FYB1: variants seen among roughly 807,000 people sequenced by gnomAD.
The protein encoded by FYB1 is FYN binding protein 1, also known as FYN-binding protein 1.
In FYB1, 41 loss-of-function variants were observed where a neutral mutation model predicts 94.1. That is an observed-to-expected ratio of 0.44 (90% CI 0.34 to 0.57). The LOEUF (loss-of-function observed/expected upper bound fraction) is 0.57, where lower values mean the gene tolerates loss of function less well. Among genes scored for constraint, FYB1 ranks in the 20% least tolerant of loss-of-function variants. The pLI, the probability that FYB1 is intolerant of heterozygous loss-of-function variation, is 0.02. For synonymous variants in FYB1, 367 were observed against 353.2 expected (o/e 1.04, Z -0.44); for missense variants, 1,050 against 976.8 (o/e 1.07, Z -1.00).
At chr5:39,219,758 T>C (rs1180710052), upstream of FYB1, among the ~76,000 whole-genome samples, 1 of 152,180 alleles carries the variant, frequency 6.6e-6, no homozygotes, top group Non-Finnish European at 1.5e-5. Context: ...CCACCAAGCA[T>C]GTGATATTTA....
chr5:39,227,172 A>G (rs940755446), intron 1 of FYB1, among the ~76,000 whole-genome samples: 3 of 152,330 alleles, frequency 2.0e-5, no homozygotes, highest in South Asian at 2.1e-4. Flanking sequence ...AAAGCATAAA[A>G]TGATGGAGAA....
intron 1 of FYB1, among the ~76,000 whole-genome samples, chr5:39,244,541 C>A (rs868322272): frequency 6.6e-6 from 1 of 152,108 alleles, no homozygotes; most frequent in African/African-American, 2.4e-5. Context: ...ATTTGGTTTG[C>A]CAGTATTTTA....
chr5:39,273,592 T>C (rs1752722992), intron 1 of FYB1, among the ~76,000 whole-genome samples: 1 of 152,240 alleles, frequency 6.6e-6, no homozygotes, highest in South Asian at 2.1e-4. Context: ...CTGCAATTAG[T>C]CCTGCTAATA....
chr5:39,179,833 C>A (rs1746058660), intron 2 of FYB1, among the ~76,000 whole-genome samples: 2 of 152,264 alleles, frequency 1.3e-5, no homozygotes, highest in African/African-American at 4.8e-5. Flanking sequence ...AGTCTATTCA[C>A]CCCTACCTCC....
intron 2 of FYB1, among the ~76,000 whole-genome samples, chr5:39,182,871 A>C (rs1314146543): frequency 6.6e-6 from 1 of 152,178 alleles, no homozygotes; most frequent in East Asian, 1.9e-4. Context: ...GTGTTTCAGA[A>C]AAAAATTCAT....
intron 3 of FYB1, among the ~76,000 whole-genome samples, chr5:39,144,469 G>C (rs912618621): frequency 6.6e-6 from 1 of 151,978 alleles, no homozygotes; most frequent in Non-Finnish European, 1.5e-5. Flanking sequence ...AAATTGCAAA[G>C]AATTAAAAAA....
intron 1 of FYB1, among the ~76,000 whole-genome samples, chr5:39,206,325 G>T (rs4957384): frequency 0.059 from 8,933 of 152,226 alleles, 337 homozygotes; most frequent in Admixed American, 0.11. Flanking sequence ...CATGATGACT[G>T]TTAATAAGTT....
chr5:39,206,388 G>C (rs1012310095), intron 1 of FYB1, among the ~76,000 whole-genome samples: 1 of 152,074 alleles, frequency 6.6e-6, no homozygotes, highest in African/African-American at 2.4e-5. Context: ...AACAATAATA[G>C]GTAGTTTTTT....
At chr5:39,140,122 CAAA>C (rs1742036193) in intron 4 of FYB1, 1 of 152,084 alleles carries the variant, frequency 6.6e-6, no homozygotes, top group South Asian at 2.1e-4. Flanking sequence ...AATTACAAGG[CAAA>C]ATTAATACAT....
At chr5:39,126,539 TAAA>T (rs1196850516) in intron 11 of FYB1, among the ~76,000 whole-genome samples, 3 of 150,716 alleles carry the variant, frequency 2.0e-5, no homozygotes, top group African/African-American at 7.3e-5. Flanking sequence ...CTACTAAAAA[TAAA>T]AAACATTAGC....
At chr5:39,245,905 C>A (rs1751457854) in intron 1 of FYB1, among the ~76,000 whole-genome samples, 3 of 152,166 alleles carry the variant, frequency 2.0e-5, no homozygotes, top group Admixed American at 2.0e-4. Context: ...TGGCCTGGAA[C>A]AGGCTTTTGT....
chr5:39,110,428 A>T (rs1580285257), intron 16 of FYB1, 39 bp from the exon 17 acceptor site: 1 of 1,372,478 alleles, frequency 7.3e-7, no homozygotes, highest in Non-Finnish European at 1.0e-6. Flanking sequence ...TCAATAATAC[A>T]GGTTGAAAAA....
At chr5:39,235,487 G>A (rs1438167338) in intron 1 of FYB1, among the ~76,000 whole-genome samples, 1 of 151,856 alleles carries the variant, frequency 6.6e-6, no homozygotes, top group Non-Finnish European at 1.5e-5. Flanking sequence ...TTTACATTTA[G>A]CATCTTTGTG....
At chr5:39,181,015 G>A (rs1746175726) in intron 2 of FYB1, among the ~76,000 whole-genome samples, 1 of 152,196 alleles carries the variant, frequency 6.6e-6, no homozygotes, top group South Asian at 2.1e-4. Context: ...TGCTTGCCAA[G>A]CACACAGTTC....
At chr5:39,224,970 T>A (rs1383419072) in intron 1 of FYB1, among the ~76,000 whole-genome samples, 2 of 152,210 alleles carry the variant, frequency 1.3e-5, no homozygotes, top group African/African-American at 4.8e-5. Flanking sequence ...GGGACTTGAA[T>A]ACCTTCCAGA....
rs1751285496 is a variant in FYB1, at chr5:39,242,966, T to C, written c.-28+31437A>G. Among the ~76,000 whole-genome samples the C allele has an allele frequency of 2.0e-5, 3 of 152,212 alleles. No individual in the cohort carries two copies. In the South Asian group the frequency reaches 6.2e-4, roughly 31 times the overall value. The stretch of plus-strand genomic sequence containing the variant: ...TTGAGAAGTGTCTGTTCATATCCTT[T>C]GCCCACTTTTTGATGGGGTTGTTTG... On this transcript the variant is annotated intron_variant, in intron 1 of 1. Transcript: ENST00000510188.
intron 1 of FYB1, among the ~76,000 whole-genome samples, chr5:39,208,288 G>A (rs1454967808): frequency 6.6e-6 from 1 of 152,182 alleles, no homozygotes; most frequent in Admixed American, 6.5e-5. Flanking sequence ...AATCTCTGCT[G>A]TGGCTGCTGT....
rs950604350 is a variant in FYB1 at position 39,150,432 on chromosome 5, T to C, written c.1292+3016A>G. On this transcript the variant is annotated intron_variant, in intron 3 of 18. Transcript: ENST00000512982. Reference sequence around the variant, plus strand: ...TGGTTTTTGTTTCTGCTTTCTTTAGTTCTTTTTGTTTATAAAGCCAACCTC... The same window carrying C: ...TGGTTTTTGTTTCTGCTTTCTTTAGCTCTTTTTGTTTATAAAGCCAACCTC... Among the ~76,000 whole-genome samples, 17 of 152,378 alleles carry C rather than the reference T, an allele frequency of 1.1e-4. No homozygotes were observed. In the East Asian group the frequency reaches 3.3e-3, roughly 29 times the overall value.
In FYB1 at chr5:39,186,429, A is replaced by G. The variant is rs1746807755; in HGVS notation, c.1135+15397T>C. Among the ~76,000 whole-genome samples the G allele has an allele frequency of 2.0e-5, 3 of 152,274 alleles. No individual in the cohort carries two copies. The South Asian group carries it at 6.2e-4, about 32-fold the overall frequency. On this transcript the variant is annotated intron_variant, in intron 2 of 18. Transcript: ENST00000512982. ...CAGAGTGAGACTCCATCTCAAAAAC[A>G]AAACAAAACAAAAAAGGCAACACTG... is the stretch of plus-strand genomic sequence containing the variant.
Sources: allele counts gnomAD v4.1 joint callset (sites outside exome capture counted in the v4.1 genomes callset), GRCh38; gene constraint gnomAD v4.1.1; transcripts MANE v1.5; gene names NCBI Gene and HGNC (gene_info 2026-07-23, HGNC 2026-07-21).